SEMA3D: variants seen among roughly 807,000 people sequenced by gnomAD.
The protein encoded by SEMA3D is semaphorin-3D.
Under a neutral mutation model 100.1 loss-of-function variants are expected in SEMA3D, and 84 were observed. The observed-to-expected ratio is 0.84, with a 90% CI of 0.70 to 1.01. The LOEUF is 1.01. Among genes scored for constraint, SEMA3D ranks in the 50% least tolerant of loss-of-function variants. The probability of loss-of-function intolerance (pLI) is 0.00; values close to 1 mark genes in which losing one functional copy is unlikely to be tolerated. For missense variants in SEMA3D, 875 were observed against 934.1 expected, an observed-to-expected ratio of 0.94 and a Z score of 0.82; for synonymous variants, 312 against 320.7, an observed-to-expected ratio of 0.97 and a Z score of 0.29.
chr7:85,066,913 C>CACACACAG lies in SEMA3D; in HGVS notation c.589+1277_589+1278insCTGTGTGT. Reference sequence around the variant, plus strand: ...GCGCTCACACACACACACACACACACAGAGAGAGAGAGAGAGAGAGAGAGA... The same window carrying CACACACAG: ...GCGCTCACACACACACACACACACACACACACAGAGAGAGAGAGAGAGAGAGAGAGAGA... On this transcript the variant is annotated intron_variant, in intron 7 of 18. Transcript: ENST00000284136. Among the ~76,000 whole-genome samples the CACACACAG allele has an allele frequency of 3.1e-3, 394 of 127,812 alleles. 2 individuals are homozygous for CACACACAG. The highest frequency in any genetic ancestry group is 0.011 in the African/African-American group (361 of 31,748). The allele number at this position is 127,812 out of a possible 152,430, so 83.8% of individuals were successfully genotyped here.
the SEMA3D span, among the ~76,000 whole-genome samples, chr7:85,196,855 G>A: frequency 6.6e-6 from 1 of 152,102 alleles, no homozygotes; most frequent in African/African-American, 2.4e-5. Flanking sequence ...TACTGAGGAT[G>A]GAAGTATCAG....
chr7:85,168,163 C>T (rs1790964531), intron 1 of SEMA3D, among the ~76,000 whole-genome samples: 1 of 151,744 alleles, frequency 6.6e-6, no homozygotes, highest in Non-Finnish European at 1.5e-5. Context: ...TTAAAGACAA[C>T]TATAAATATG....
At chr7:85,016,650 C>T (rs1790111910) in intron 15 of SEMA3D, among the ~76,000 whole-genome samples, 1 of 151,686 alleles carries the variant, frequency 6.6e-6, no homozygotes, top group African/African-American at 2.4e-5. Flanking sequence ...TCCAACAACC[C>T]CCATCTCTAC....
the SEMA3D span, among the ~76,000 whole-genome samples, chr7:85,194,390 G>T: frequency 6.6e-6 from 1 of 152,058 alleles, no homozygotes; most frequent in Admixed American, 6.6e-5. Flanking sequence ...ATTCTCGTTT[G>T]TTGACAGTTT....
At chr7:85,147,351 C>T in intron 2 of SEMA3D, among the ~76,000 whole-genome samples, 1 of 151,860 alleles carries the variant, frequency 6.6e-6, no homozygotes, top group East Asian at 1.9e-4. Flanking sequence ...ATCTGCCCAC[C>T]TGTTGGTCAG....
intron 10 of SEMA3D, 123 bp downstream of exon 10, chr7:85,042,048 C>T: frequency 1.4e-6 from 1 of 727,738 alleles, no homozygotes; most frequent in East Asian, 2.5e-5. Context: ...TTAGTAAGAA[C>T]CACTCCTGTA....
At chr7:85,173,577 T>TA (rs1327687983) in intron 1 of SEMA3D, among the ~76,000 whole-genome samples, 1 of 152,060 alleles carries the variant, frequency 6.6e-6, no homozygotes, top group Non-Finnish European at 1.5e-5. Flanking sequence ...ACTCAGTAGA[T>TA]AAAAAATACA....
chr7:85,075,748 G>A (rs960712815), intron 5 of SEMA3D, among the ~76,000 whole-genome samples: 1 of 152,208 alleles, frequency 6.6e-6, no homozygotes, highest in East Asian at 1.9e-4. Flanking sequence ...GGCCTTGGCT[G>A]CCTGGGCAAA....
At chr7:85,167,484 G>A in intron 1 of SEMA3D, 2 of 546,818 alleles carry the variant, frequency 3.7e-6, no homozygotes, top group Non-Finnish European at 4.7e-6. Context: ...TGGTAGATTA[G>A]TAAGAATGTG....
At chr7:85,166,081 C>T (rs188183957) in intron 1 of SEMA3D, among the ~76,000 whole-genome samples, 72 of 152,068 alleles carry the variant, frequency 4.7e-4, no homozygotes, top group Admixed American at 3.0e-3. Context: ...GTTTAATAAT[C>T]ATGAGAATCT....
rs79481836 is a variant in SEMA3D at position 85,121,948 on chromosome 7, A to T, written c.-40-17T>A. On this transcript the variant is annotated splice_polypyrimidine_tract_variant and intron_variant, in intron 2 of 18. Transcript: ENST00000284136. Reference sequence around the variant, plus strand: ...TAATTTAATCTAAAAAAGAGTAAAAAAAAAAAAACTATTAAGGTATCAGCA... The same window carrying T: ...TAATTTAATCTAAAAAAGAGTAAAATAAAAAAAACTATTAAGGTATCAGCA... 8.3e-3 allele frequency: 10,896 copies of T among 1,319,118 alleles called. 700 individuals are homozygous for T. The African/African-American group carries it at 0.14, about 17-fold the overall frequency. The allele number at this position is 1,319,118 out of a possible 1,614,324, so 81.7% of individuals were successfully genotyped here.
At chr7:85,157,538 G>A (rs962577761) in intron 1 of SEMA3D, 1 of 313,144 alleles carries the variant, frequency 3.2e-6, no homozygotes, top group African/African-American at 2.2e-5. Context: ...ATAATACTCT[G>A]ATGTCTGAGC....
chr7:85,170,990 A>G (rs1391100429), intron 1 of SEMA3D, among the ~76,000 whole-genome samples: 8 of 152,034 alleles, frequency 5.3e-5, no homozygotes, highest in Non-Finnish European at 7.4e-5. Flanking sequence ...CAAAATTGTC[A>G]TTTATCTCTA....
chr7:85,160,119 G>A (rs934977865), intron 1 of SEMA3D: 1 of 806,458 alleles, frequency 1.2e-6, no homozygotes, highest in Non-Finnish European at 1.5e-6. Context: ...GAGTTTTCAA[G>A]CCTAACAGGA....
intron 3 of SEMA3D, among the ~76,000 whole-genome samples, chr7:85,114,179 T>A (rs2116376089): frequency 6.6e-6 from 1 of 152,254 alleles, no homozygotes; most frequent in African/African-American, 2.4e-5. Context: ...TATAAGCAAT[T>A]TGCCCCACCA....
chr7:85,226,695 T>G, the SEMA3D span, among the ~76,000 whole-genome samples: 104 of 152,116 alleles, frequency 6.8e-4, no homozygotes, highest in African/African-American at 2.3e-3. Flanking sequence ...TTTTTTTTTG[T>G]TAGTCTTCAT....
intron 5 of SEMA3D, among the ~76,000 whole-genome samples, chr7:85,080,760 G>A (rs989016970): frequency 7.2e-5 from 11 of 152,096 alleles, no homozygotes; most frequent in Non-Finnish European, 1.5e-4. Context: ...CCTCATTGCT[G>A]GAGATAAATC....
intron 2 of SEMA3D, among the ~76,000 whole-genome samples, chr7:85,124,664 C>G (rs1789517482): frequency 6.6e-6 from 1 of 152,050 alleles, no homozygotes; most frequent in Non-Finnish European, 1.5e-5. Context: ...CAAACAGAGA[C>G]AGTTCCAGAA....
At chr7:85,203,140 A>AGTAGCT in the SEMA3D span, among the ~76,000 whole-genome samples, 1 of 152,226 alleles carries the variant, frequency 6.6e-6, no homozygotes, top group African/African-American at 2.4e-5. Context: ...GATTAAGCTC[A>AGTAGCT]GTAGCTGAAG....
Sources: allele counts gnomAD v4.1 joint callset (sites outside exome capture counted in the v4.1 genomes callset), GRCh38; gene constraint gnomAD v4.1.1; transcripts MANE v1.5; gene names NCBI Gene and HGNC (gene_info 2026-07-23, HGNC 2026-07-21).